The following ABI3BP variants were observed in gnomAD, a reference collection of about 807,000 sequenced individuals.
ABI3BP encodes the protein ABI family member 3 binding protein, also known as target of Nesh-SH3.
ABI3BP carries 216 observed loss-of-function variants against 268.6 expected under a neutral mutation model. That is an observed-to-expected ratio of 0.80 (90% confidence interval 0.72 to 0.90). ABI3BP has a LOEUF of 0.90. Among genes scored for constraint, ABI3BP ranks in the 40% least tolerant of loss-of-function variants. ABI3BP has a pLI of 0.00. For missense variants in ABI3BP, 2,090 were observed against 2,182.4 expected (o/e 0.96, Z 0.84); for synonymous variants, 730 against 730.0 (o/e 1.00, Z 0.00).
chr3:100,891,647 CCT>C (rs1394680466), intron 4 of ABI3BP, among the ~76,000 whole-genome samples: 1 of 152,184 alleles, frequency 6.6e-6, no homozygotes, highest in East Asian at 1.9e-4. Flanking sequence ...TGATGCCATC[CCT>C]GGAGATGCTC....
chr3:100,810,606 G>A (rs781042100), intron 48 of ABI3BP, 129 bp from the exon 49 acceptor site: 8 of 602,086 alleles, frequency 1.3e-5, no homozygotes, highest in Non-Finnish European at 2.0e-5. Context: ...CAGCAAAACA[G>A]CATTCCTACT....
rs1471768839 is a variant in ABI3BP, at chr3:100,876,610, C to T, written c.697-50G>A. 3 of 1,546,460 alleles carry T rather than the reference C, an allele frequency of 1.9e-6. No individual in the cohort carries two copies. The African/African-American group carries it at 4.1e-5, about 21-fold the overall frequency. ...CTTTTGAGTCATTGTGAATAACTTT[C>T]TGTTCTTTAAAACGTTCGGAGAACT... is the stretch of plus-strand genomic sequence containing the variant. On this transcript the variant is annotated intron_variant, in intron 6 of 67. Coordinates refer to ENST00000471714, the MANE Select transcript of ABI3BP (RefSeq NM_001375547.2).
rs78248159 is a variant in ABI3BP, at chr3:100,856,914, T to C, written c.1286-4974A>G. Among the ~76,000 whole-genome samples the C allele has an allele frequency of 2.5e-3, 385 of 152,278 alleles. 1 individual carries two copies. The highest frequency in any genetic ancestry group is 8.8e-3 in the African/African-American group (364 of 41,550). The stretch of plus-strand genomic sequence containing the variant: ...GTTGATAGTGGCATTATTTTACTCA[T>C]TGATCCAAGAAGGACCTCAGAGCCC... On this transcript the variant is annotated intron_variant, in intron 14 of 67. Transcript: ENST00000471714.
At chr3:100,857,010 G>C (rs1345115330) in intron 14 of ABI3BP, among the ~76,000 whole-genome samples, 1 of 151,490 alleles carries the variant, frequency 6.6e-6, no homozygotes, top group East Asian at 1.9e-4. Context: ...TACCATCCTT[G>C]CTGTAGGGGT....
At chr3:100,848,599 T>C (rs2098803069) in intron 18 of ABI3BP, among the ~76,000 whole-genome samples, 1 of 152,056 alleles carries the variant, frequency 6.6e-6, no homozygotes, top group Non-Finnish European at 1.5e-5. Context: ...GCTAATTTTT[T>C]AAACTTTTGC....
chr3:100,809,253 T>C (rs2097787782), intron 49 of ABI3BP, among the ~76,000 whole-genome samples: 1 of 152,018 alleles, frequency 6.6e-6, no homozygotes, highest in Admixed American at 6.6e-5. Context: ...CATCAGAAGT[T>C]ACACAATTTT....
chr3:100,811,680 T>C, intron 47 of ABI3BP, 48 bp downstream of exon 47: 2 of 1,502,190 alleles, frequency 1.3e-6, no homozygotes, highest in Non-Finnish European at 1.8e-6. Flanking sequence ...CTGATGTTAA[T>C]TTAAAATGTG....
In ABI3BP at chr3:100,851,960, C is replaced by T; in HGVS notation, c.1286-20G>A. On this transcript the variant is annotated intron_variant, in intron 14 of 67. Transcript: ENST00000471714. Reference sequence around the variant, plus strand: ...AAGTTGCTTAAAAAAAAAAAAAAGGCAAAACAAGAGAGATGTTAATTTTGG... The same window carrying T: ...AAGTTGCTTAAAAAAAAAAAAAAGGTAAAACAAGAGAGATGTTAATTTTGG... 1 of 1,046,744 alleles carries T rather than the reference C, an allele frequency of 9.6e-7. No homozygotes were observed. 64.8% of individuals were successfully genotyped at this position (1,046,744 alleles called of 1,614,324 possible). A position where few individuals can be genotyped will look rare whatever the true frequency, so the allele number is the denominator to read the frequency against.
intron 49 of ABI3BP, 84 bp from the exon 50 acceptor site, chr3:100,808,319 C>T: frequency 2.0e-6 from 2 of 1,023,492 alleles, no homozygotes; most frequent in East Asian, 2.6e-5. Context: ...GGGATGTTTA[C>T]TGAGTGATTG....
At chr3:100,973,088 G>A (rs1030297607) in intron 1 of ABI3BP, among the ~76,000 whole-genome samples, 1 of 152,134 alleles carries the variant, frequency 6.6e-6, no homozygotes, top group African/African-American at 2.4e-5. Flanking sequence ...CAGGCCCTAA[G>A]TGTGGTGCTG....
chr3:100,835,548 G>T, intron 28 of ABI3BP, 53 bp downstream of exon 28: 1 of 1,359,796 alleles, frequency 7.4e-7, no homozygotes, highest in Non-Finnish European at 1.0e-6. Context: ...TGATGGAATA[G>T]ACTAGACAAT....
rs2152964386 is a variant in ABI3BP, at chr3:100,844,100, TA to T, written c.1724-2062del. On this transcript the variant is annotated intron_variant, in intron 20 of 67. Coordinates refer to ENST00000471714, the MANE Select transcript of ABI3BP (RefSeq NM_001375547.2). The stretch of plus-strand genomic sequence containing the variant: ...TTTGACAATCATAAGGTATTATAGG[TA>T]AAGGTATAAAATGTTCCATAACAAA... 6 of 983,130 alleles carry T rather than the reference TA, an allele frequency of 6.1e-6. No homozygotes were observed. In the South Asian group the frequency reaches 2.8e-4, roughly 46 times the overall value. The allele number at this position is 983,130 out of a possible 1,614,324, so 60.9% of individuals were successfully genotyped here.
intron 59 of ABI3BP, among the ~76,000 whole-genome samples, chr3:100,777,423 T>G (rs1006261613): frequency 6.6e-6 from 1 of 152,218 alleles, no homozygotes; most frequent in African/African-American, 2.4e-5. Flanking sequence ...TTCACTTTGT[T>G]ATTACTCATC....
intron 2 of ABI3BP, among the ~76,000 whole-genome samples, chr3:100,906,346 A>C (rs1004312145): frequency 6.6e-6 from 1 of 152,240 alleles, no homozygotes; most frequent in Non-Finnish European, 1.5e-5. Flanking sequence ...AACAAATGTC[A>C]TTACCTGGGT....
rs2043033373 is a variant in ABI3BP at position 100,888,563 on chromosome 3, T to G, written c.462-2240A>C. Among the ~76,000 whole-genome samples the G allele has an allele frequency of 3.3e-5, 5 of 152,060 alleles. No homozygotes were observed. The South Asian group carries it at 1.0e-3, about 32-fold the overall frequency. ...TCAACTTGATCTCACATAACCTGCT[T>G]ATAAATAAATGAGACAGAAATGTTT... On this transcript the variant is annotated intron_variant, in intron 4 of 67. Coordinates refer to ENST00000471714, the MANE Select transcript of ABI3BP (RefSeq NM_001375547.2).
chr3:100,836,424 T>C (rs1007367039), intron 27 of ABI3BP, among the ~76,000 whole-genome samples: 1 of 152,176 alleles, frequency 6.6e-6, no homozygotes, highest in Non-Finnish European at 1.5e-5. Flanking sequence ...AAAAACTCTT[T>C]AGGCATTTAT....
chr3:100,911,488 G>C (rs1422099565), intron 2 of ABI3BP: 2 of 419,540 alleles, frequency 4.8e-6, no homozygotes, highest in Non-Finnish European at 8.7e-6. Context: ...CTTGTTCATT[G>C]TTTTTCACTT....
chr3:100,790,391 T>C (rs1003668560), intron 55 of ABI3BP, among the ~76,000 whole-genome samples: 1 of 151,768 alleles, frequency 6.6e-6, no homozygotes, highest in Admixed American at 6.6e-5. Flanking sequence ...TTTGGAAAAA[T>C]TTTTTCTTGC....
chr3:100,800,461 T>C (rs556982846), intron 51 of ABI3BP, among the ~76,000 whole-genome samples: 88 of 152,312 alleles, frequency 5.8e-4, no homozygotes, highest in Middle Eastern at 3.4e-3. Flanking sequence ...AATGTAGTCA[T>C]TCTGAGTCAT....
Sources: allele counts gnomAD v4.1 joint callset (sites outside exome capture counted in the v4.1 genomes callset), GRCh38; gene constraint gnomAD v4.1.1; transcripts MANE v1.5; gene names NCBI Gene and HGNC (gene_info 2026-07-23, HGNC 2026-07-21).